The following WFDC1 variants were observed in gnomAD, a reference collection of about 807,000 sequenced individuals.
WFDC1 encodes WAP four-disulfide core domain 1.
WFDC1 carries 39 observed loss-of-function variants against 32.9 expected under a neutral mutation model. The observed-to-expected ratio is 1.19, with a 90% confidence interval of 0.92 to 1.55. The LOEUF (loss-of-function observed/expected upper bound fraction) is 1.55. Among genes scored for constraint, WFDC1 ranks in the 40% most tolerant of loss-of-function variants. The pLI, the probability that WFDC1 is intolerant of heterozygous loss-of-function variation, is 0.00. For missense variants in WFDC1, 386 were observed against 309.5 expected (o/e 1.25, Z -1.85); for synonymous variants, 184 against 137.4 (o/e 1.34, Z -2.37).
chr16:84,297,643 A>C (rs970073972), intron 1 of WFDC1, among the ~76,000 whole-genome samples: 1 of 125,406 alleles, frequency 8.0e-6, no homozygotes, highest in African/African-American at 3.0e-5. Context: ...AAAAAAAAAA[A>C]AAAACTGTGC....
At chr16:84,322,720 G>A (rs533220061) in intron 4 of WFDC1, among the ~76,000 whole-genome samples, 1 of 152,298 alleles carries the variant, frequency 6.6e-6, no homozygotes, top group Admixed American at 6.5e-5. Context: ...CATTTGAGGG[G>A]TTCACATTTT....
At chr16:84,313,852 G>C (rs1481699088) in intron 2 of WFDC1, among the ~76,000 whole-genome samples, 1 of 152,132 alleles carries the variant, frequency 6.6e-6, no homozygotes. Context: ...GACCAGTCTG[G>C]GCAACATGCT....
chr16:84,327,321 G>A (rs1324497776), intron 6 of WFDC1: 2 of 210,128 alleles, frequency 9.5e-6, no homozygotes, highest in Non-Finnish European at 1.9e-5. Flanking sequence ...TTTAGTCTCA[G>A]TAGCTGGGAC....
intron 1 of WFDC1, among the ~76,000 whole-genome samples, chr16:84,309,739 C>T (rs768108628): frequency 6.6e-5 from 10 of 152,198 alleles, no homozygotes; most frequent in East Asian, 1.9e-4. Context: ...ATCCCTGTTC[C>T]GGTGGCTGCT....
chr16:84,316,656 T>C (rs1414510461), intron 2 of WFDC1: 1 of 152,098 alleles, frequency 6.6e-6, no homozygotes, highest in East Asian at 1.9e-4. Context: ...TTGTCAACAC[T>C]TAAAAACCAG....
chr16:84,326,642 G>C lies in WFDC1; in HGVS notation c.605-240G>C, dbSNP rs1207792874. On this transcript the variant is annotated intron_variant, in intron 5 of 6. Transcript: ENST00000219454. ...TTGGCCATCCCCAAAGCTGGAGTGT[G>C]TGGTGAGCTGTGGAGGTGGTGGGAG... 4 of 513,886 alleles carry C rather than the reference G, an allele frequency of 7.8e-6. No homozygotes were observed. The East Asian group carries it at 1.3e-4, about 16-fold the overall frequency. 31.8% of individuals were successfully genotyped at this position (513,886 alleles called of 1,614,324 possible).
chr16:84,315,877 G>A (rs1907918505), intron 2 of WFDC1, among the ~76,000 whole-genome samples: 1 of 152,186 alleles, frequency 6.6e-6, no homozygotes, highest in African/African-American at 2.4e-5. Flanking sequence ...CTTGGGCCCA[G>A]GTTGTTTATT....
intron 5 of WFDC1, among the ~76,000 whole-genome samples, chr16:84,325,102 T>C (rs12596655): frequency 0.22 from 33,120 of 151,966 alleles, 3,719 homozygotes; most frequent in Non-Finnish European, 0.24. Context: ...CCTCCATCCA[T>C]CCATCCTTTC....
intron 1 of WFDC1, among the ~76,000 whole-genome samples, chr16:84,311,117 C>A (rs454605): frequency 9.2e-5 from 14 of 151,692 alleles, no homozygotes; most frequent in African/African-American, 3.4e-4. Flanking sequence ...GTTACTGGGC[C>A]TGGATGGAGT....
rs531551784 is a variant in WFDC1 at position 84,295,093 on chromosome 16, C to T, written c.122C>T (p.Ala41Val). The change falls in exon 1 of 7, where the codon GCG (alanine) becomes GTG (valine). Residue 41 changes from alanine (A) to valine (V), a missense_variant. By Grantham distance (64) the Ala-to-Val change is moderately conservative (BLOSUM62 0). Coordinates refer to ENST00000219454, the MANE Select transcript of WFDC1 (RefSeq NM_021197.4). The stretch of plus-strand genomic sequence containing the variant: ...AATATCTGGAAACGGGCATTGCCTG[C>T]GAGGCTGGCCGAGAAATCCCGTGTA... Reference protein sequence around the residue: ...AKNIWKRALPARLAEKSRAEE... With the variant: ...AKNIWKRALPVRLAEKSRAEE... 27 of 1,613,964 alleles carry T rather than the reference C, an allele frequency of 1.7e-5. 1 individual carries two copies. The highest frequency in any genetic ancestry group is 9.9e-5 in the South Asian group (9 of 91,046).
chr16:84,303,478 TAAA>T (rs34066941), intron 1 of WFDC1, among the ~76,000 whole-genome samples: 11 of 142,394 alleles, frequency 7.7e-5, no homozygotes, highest in South Asian at 6.6e-4. Flanking sequence ...ATGTTTACTG[TAAA>T]AAAAAAAAAA....
intron 1 of WFDC1, among the ~76,000 whole-genome samples, chr16:84,307,550 C>T (rs1293410785): frequency 1.3e-5 from 2 of 152,130 alleles, no homozygotes; most frequent in East Asian, 1.9e-4. Flanking sequence ...TTGATCTCTG[C>T]GTACCCTCCC....
chr16:84,310,068 C>G (rs1383791697), intron 1 of WFDC1, among the ~76,000 whole-genome samples: 1 of 152,048 alleles, frequency 6.6e-6, no homozygotes, highest in African/African-American at 2.4e-5. Flanking sequence ...CTTTATTCAG[C>G]CAACTGTATG....
chr16:84,320,874 T>A (rs1908269395), intron 4 of WFDC1, among the ~76,000 whole-genome samples: 1 of 151,924 alleles, frequency 6.6e-6, no homozygotes, highest in Non-Finnish European at 1.5e-5. Flanking sequence ...CCTCTTTTTT[T>A]TTCTGATTTG....
chr16:84,295,960 C>T (rs399209), intron 1 of WFDC1: 6,370 of 152,336 alleles, frequency 0.042, 238 homozygotes, highest in East Asian at 0.18. Flanking sequence ...CTGGGGGCAG[C>T]AAAGAATAAA....
At chr16:84,326,192 T>TTCATCTACC (rs1395563194) in intron 5 of WFDC1, 1 of 150,574 alleles carries the variant, frequency 6.6e-6, no homozygotes, top group African/African-American at 2.4e-5. Flanking sequence ...CATCCATCCA[T>TTCATCTACC]CATTTATCCA....
At chr16:84,322,073 G>C (rs1214473228) in intron 4 of WFDC1, among the ~76,000 whole-genome samples, 1 of 152,052 alleles carries the variant, frequency 6.6e-6, no homozygotes, top group East Asian at 1.9e-4. Context: ...GAGGATATGA[G>C]TTCAGGAATT....
chr16:84,319,623 C>T (rs757403237), intron 4 of WFDC1, 52 bp downstream of exon 4: 23 of 1,593,104 alleles, frequency 1.4e-5, no homozygotes, highest in Non-Finnish European at 1.9e-5. Flanking sequence ...GTCCCCTTCT[C>T]CCTGTAAGCG....
intron 3 of WFDC1, chr16:84,318,701 G>A (rs1423463779): frequency 8.5e-6 from 2 of 233,950 alleles, no homozygotes; most frequent in Non-Finnish European, 1.8e-5. Flanking sequence ...TGGGGGTGGG[G>A]GAGGTACCAG....
Sources: gnomAD v4.1 joint callset for allele counts (sites outside exome capture counted in the v4.1 genomes callset) on GRCh38, gnomAD v4.1.1 for gene constraint, MANE v1.5 for transcripts, NCBI Gene and HGNC (gene_info 2026-07-23, HGNC 2026-07-21) for gene names.